Variants in RNF212 observed in about 807,000 individuals in gnomAD.
RNF212 encodes the protein ring finger protein 212.
In RNF212, 33 loss-of-function variants were observed where a neutral mutation model predicts 34.7. That is an observed-to-expected ratio of 0.95 (90% CI 0.72 to 1.27). The LOEUF (loss-of-function observed/expected upper bound fraction) is 1.27, where lower values mean the gene tolerates loss of function less well. Among genes scored for constraint, RNF212 ranks in the 50% most tolerant of loss-of-function variants. The pLI is 0.00. For synonymous variants in RNF212, 140 were observed against 136.1 expected (o/e 1.03, Z -0.20); for missense variants, 377 against 362.2 (o/e 1.04, Z -0.33).
Position 1,113,508 on chromosome 4 carries a change from C to T in RNF212, c.-44G>A. ...GCGGCGAGGCCGGGCCCACGCGAAGCCCACGCAAGGTTGGGACCAGCCTCC... is the reference window on the plus strand; with the variant it reads ...GCGGCGAGGCCGGGCCCACGCGAAGTCCACGCAAGGTTGGGACCAGCCTCC... On this transcript the variant is annotated 5_prime_UTR_variant, in exon 1 of 10. Transcript: ENST00000433731. 6.5e-7 allele frequency: 1 copy of T among 1,539,666 alleles called. No homozygotes were observed. The highest frequency in any genetic ancestry group is 8.9e-7 in the Non-Finnish European group (1 of 1,124,400).
intron 3 of RNF212, among the ~76,000 whole-genome samples, chr4:1,065,203 G>C (rs1438030014): frequency 1.3e-5 from 2 of 152,182 alleles, no homozygotes; most frequent in African/African-American, 4.8e-5. Flanking sequence ...TTGGAGGAAA[G>C]GCCACACTGT....
chr4:1,093,859 G>A (rs1416602047), intron 3 of RNF212: 20 of 1,536,102 alleles, frequency 1.3e-5, no homozygotes, highest in Non-Finnish European at 1.7e-5. Context: ...GGGACCGCCG[G>A]CATCCTGGTC....
chr4:1,083,667 CA>C, intron 5 of RNF212, among the ~76,000 whole-genome samples: 1 of 151,622 alleles, frequency 6.6e-6, no homozygotes, highest in Admixed American at 6.6e-5. Flanking sequence ...AACAAACAAA[CA>C]AACAAACTCA....
At chr4:1,063,743 G>A (rs1350971376) in intron 3 of RNF212, among the ~76,000 whole-genome samples, 1 of 151,710 alleles carries the variant, frequency 6.6e-6, no homozygotes, top group Non-Finnish European at 1.5e-5. Context: ...GTGTGGTGGT[G>A]CATGCCTACA....
intron 3 of RNF212, chr4:1,093,337 T>C: frequency 9.2e-7 from 1 of 1,083,984 alleles, no homozygotes; most frequent in Non-Finnish European, 1.2e-6. Flanking sequence ...TTAATTCATT[T>C]AAAAATAACA....
intron 4 of RNF212, among the ~76,000 whole-genome samples, 180 bp downstream of exon 4, chr4:1,090,602 T>G (rs1722035061): frequency 6.6e-6 from 1 of 152,140 alleles, no homozygotes; most frequent in African/African-American, 2.4e-5. Flanking sequence ...AGACAAGGGT[T>G]GGGCAAATAG....
rs1235752022 is a variant in RNF212 at position 1,088,485 on chromosome 4, G to A, written c.303+2297C>T. On this transcript the variant is annotated intron_variant, in intron 4 of 9. Coordinates refer to ENST00000433731, the MANE Select transcript of RNF212 (RefSeq NM_001131034.4). Reference sequence around the variant, plus strand: ...TAAAATTGGAACTTATGTTTAAAAGGGAAGCAGAACATAAAAGTCTGAACA... The same window carrying A: ...TAAAATTGGAACTTATGTTTAAAAGAGAAGCAGAACATAAAAGTCTGAACA... 2.6e-5 allele frequency among the ~76,000 whole-genome samples: 4 copies of A among 152,208 alleles called. No homozygotes were observed. The East Asian group carries it at 7.7e-4, about 29-fold the overall frequency.
exon 5 of RNF212, chr4:1,056,290 ATT>A (rs1717328769): frequency 6.5e-6 from 1 of 152,846 alleles, no homozygotes. Context: ...ACATTACTTA[ATT>A]ATTTCAACAA....
At chr4:1,057,131 C>G in intron 4 of RNF212, 1 of 273,842 alleles carries the variant, frequency 3.7e-6, no homozygotes, top group Non-Finnish European at 5.6e-6. Context: ...AACCTCGGAG[C>G]AGCACGCACA....
In RNF212 at chr4:1,088,678, G is replaced by GA. The variant is rs541101979; in HGVS notation, c.303+2103dup. ...CAGCCCCTCCCATCATAGGCCCAGAGAAAAAAAGTAGTTTTATGGGCCGGG... is the reference window on the plus strand; with the variant it reads ...CAGCCCCTCCCATCATAGGCCCAGAGAAAAAAAAGTAGTTTTATGGGCCGGG... On this transcript the variant is annotated intron_variant, in intron 4 of 9. Transcript: ENST00000433731. Among the ~76,000 whole-genome samples, 24 of 152,236 alleles carry GA rather than the reference G, an allele frequency of 1.6e-4. No homozygotes were observed. The South Asian group carries it at 4.1e-3, about 26-fold the overall frequency.
At chr4:1,106,792 T>A (rs1724899624) in intron 2 of RNF212, among the ~76,000 whole-genome samples, 2 of 152,190 alleles carry the variant, frequency 1.3e-5, no homozygotes, top group Non-Finnish European at 2.9e-5. Flanking sequence ...GCCACATGTG[T>A]GGAGGAAAAG....
intron 1 of RNF212, among the ~76,000 whole-genome samples, chr4:1,110,565 C>T (rs1725499599): frequency 6.6e-6 from 1 of 152,130 alleles, no homozygotes; most frequent in Non-Finnish European, 1.5e-5. Flanking sequence ...ATCATGCAAC[C>T]TTAAGAATGA....
chr4:1,091,583 C>T (rs972685565), intron 3 of RNF212, among the ~76,000 whole-genome samples: 5 of 152,134 alleles, frequency 3.3e-5, no homozygotes, highest in African/African-American at 9.7e-5. Context: ...TTGCCATCTG[C>T]GATGATAACA....
At chr4:1,092,216 T>C (rs1722295370) in intron 3 of RNF212, among the ~76,000 whole-genome samples, 1 of 152,226 alleles carries the variant, frequency 6.6e-6, no homozygotes, top group South Asian at 2.1e-4. Flanking sequence ...GGGTGCCTGG[T>C]CTGGCTGTTC....
rs368346002 is a variant in RNF212, at chr4:1,093,938, G to A, written c.246+2827C>T. 353 of 1,536,206 alleles carry A rather than the reference G, an allele frequency of 2.3e-4. 2 individuals carry two copies. In the African/African-American group the frequency reaches 3.6e-3, roughly 16 times the overall value. ...GGCTGCTGCTTGGCTTCCATGGGTC[G>A]AGCCTCTGGGCACCTCCTTGGAGGA... On this transcript the variant is annotated intron_variant, in intron 3 of 9. Coordinates refer to ENST00000433731, the MANE Select transcript of RNF212 (RefSeq NM_001131034.4).
chr4:1,065,153 A>G (rs1718010914), intron 3 of RNF212, among the ~76,000 whole-genome samples: 1 of 152,210 alleles, frequency 6.6e-6, no homozygotes. Context: ...TGAGTACTGA[A>G]TTGAAATGCA....
At chr4:1,099,774 G>A in intron 2 of RNF212, 1 of 456,304 alleles carries the variant, frequency 2.2e-6, no homozygotes, top group Non-Finnish European at 4.4e-6. Flanking sequence ...CGTAAGGAAT[G>A]GAGGAAATCA....
chr4:1,101,727 A>T (rs1346306305), intron 2 of RNF212, among the ~76,000 whole-genome samples: 1 of 152,222 alleles, frequency 6.6e-6, no homozygotes, highest in Non-Finnish European at 1.5e-5. Flanking sequence ...AAAAATACAC[A>T]TATGGCCCCA....
At position 1,085,956 on chromosome 4, in the gene RNF212, T is replaced by G. The variant is rs1360468410; in HGVS notation, c.304-2A>C. On this transcript the variant is annotated splice_acceptor_variant, in intron 4 of 9. Coordinates refer to ENST00000433731, the MANE Select transcript of RNF212 (RefSeq NM_001131034.4). LOFTEE classifies it high-confidence loss of function. ...AAGGGATTCTTCCAACCTAGAAATC[T>G]AAACATAATTACACAACCTCTTGTT... 5 of 1,598,096 alleles carry G rather than the reference T, an allele frequency of 3.1e-6. No individual in the cohort carries two copies. Among genetic ancestry groups the G allele is most frequent in the African/African-American group, 1.3e-5 (1 of 74,624 alleles).
Sources: gnomAD v4.1 joint callset for allele counts (sites outside exome capture counted in the v4.1 genomes callset) on GRCh38, gnomAD v4.1.1 for gene constraint, MANE v1.5 for transcripts, NCBI Gene and HGNC (gene_info 2026-07-23, HGNC 2026-07-21) for gene names.